Variants in PSD3 observed in about 807,000 individuals in gnomAD.
PSD3 encodes the protein pleckstrin and Sec7 domain containing 3.
A neutral mutation model predicts 105.5 loss-of-function variants in PSD3; 49 were observed. The observed-to-expected ratio is 0.46, with a 90% CI of 0.37 to 0.59. The LOEUF (loss-of-function observed/expected upper bound fraction) is 0.59, where lower values mean the gene tolerates loss of function less well. Among genes scored for constraint, PSD3 ranks in the 20% least tolerant of loss-of-function variants. The probability of loss-of-function intolerance (pLI) is 0.00; values close to 1 mark genes in which losing one functional copy is unlikely to be tolerated. For synonymous variants in PSD3, 557 were observed against 457.8 expected, an observed-to-expected ratio of 1.22 and a Z score of -2.77; for missense variants, 1,561 against 1,263.8, an observed-to-expected ratio of 1.24 and a Z score of -3.57.
chr8:18,882,848 C>T (rs536977464), intron 2 of PSD3, among the ~76,000 whole-genome samples: 69 of 148,768 alleles, frequency 4.6e-4, no homozygotes, highest in African/African-American at 9.2e-4. Context: ...GATATATATA[C>T]ACACACACAC....
intron 14 of PSD3, among the ~76,000 whole-genome samples, chr8:18,560,157 T>C (rs1314680669): frequency 6.9e-6 from 1 of 144,954 alleles, no homozygotes; most frequent in African/African-American, 2.6e-5. Context: ...AATCCCATGA[T>C]AAGAAAGATA....
At chr8:18,799,835 C>T (rs1347748357) in intron 7 of PSD3, among the ~76,000 whole-genome samples, 5 of 152,154 alleles carry the variant, frequency 3.3e-5, no homozygotes, top group African/African-American at 4.8e-5. Flanking sequence ...TAGTTGTTCT[C>T]GTTACTCTCA....
chr8:18,533,768 T>A lies in PSD3; in HGVS notation c.*1975A>T, dbSNP rs1415540191. 6.6e-6 allele frequency: 1 copy of A among 152,150 alleles called. No individual in the cohort carries two copies. Among genetic ancestry groups the A allele is most frequent in the Non-Finnish European group, 1.5e-5 (1 of 68,024 alleles). 9.4% of individuals were successfully genotyped at this position (152,150 alleles called of 1,614,324 possible). On this transcript the variant is annotated 3_prime_UTR_variant, in exon 16 of 16. Coordinates refer to ENST00000327040, the MANE Select transcript of PSD3 (RefSeq NM_015310.4). ...TTAGATTATCAGGTAGAAAGACAGA[T>A]AACTTGCTTGTGGATATGTTGGATT...
At chr8:18,630,435 C>A (rs994460681) in intron 11 of PSD3, among the ~76,000 whole-genome samples, 10 of 151,870 alleles carry the variant, frequency 6.6e-5, no homozygotes, top group African/African-American at 1.9e-4. Flanking sequence ...TCCTGGGCCA[C>A]TGGGTCCAGG....
At chr8:18,752,140 A>G (rs1252618400) in intron 9 of PSD3, among the ~76,000 whole-genome samples, 1 of 151,994 alleles carries the variant, frequency 6.6e-6, no homozygotes, top group Non-Finnish European at 1.5e-5. Context: ...GTGAGCAACC[A>G]TCTGAATATC....
In PSD3 at chr8:18,776,245, G is replaced by GCT. The variant is rs762919210; in HGVS notation, c.2083-10709_2083-10708dup. On this transcript the variant is annotated intron_variant, in intron 8 of 15. Transcript: ENST00000327040. Reference sequence around the variant, plus strand: ...GTACCATACTATATTGGTTACCATGGCTCTCTCTCTCTCTCTATATATATA... The same window carrying GCT: ...GTACCATACTATATTGGTTACCATGGCTCTCTCTCTCTCTCTCTATATATATA... Among the ~76,000 whole-genome samples the GCT allele has an allele frequency of 7.1e-4, 101 of 142,382 alleles. 1 individual carries two copies. The East Asian group carries it at 0.013, about 18-fold the overall frequency. 93.4% of individuals were successfully genotyped at this position (142,382 alleles called of 152,430 possible).
At chr8:19,013,437 G>C in intron 1 of PSD3, 126 bp downstream of exon 1, 14 of 1,339,584 alleles carry the variant, frequency 1.0e-5, no homozygotes, top group Non-Finnish European at 1.3e-5. Flanking sequence ...CACCTATCCA[G>C]ACAGCACAAA....
At position 18,533,579 on chromosome 8, in the gene PSD3, G is replaced by A. The variant is rs188890948; in HGVS notation, c.*2164C>T. Reference sequence around the variant, plus strand: ...ATATTAAATAAGTAAAATACATACAGACATTCTATATACATAGATATAGAC... The same window carrying A: ...ATATTAAATAAGTAAAATACATACAAACATTCTATATACATAGATATAGAC... On this transcript the variant is annotated 3_prime_UTR_variant, in exon 16 of 16. Coordinates refer to ENST00000327040, the MANE Select transcript of PSD3 (RefSeq NM_015310.4). The A allele has an allele frequency of 6.6e-5, 10 of 152,210 alleles. No individual in the cohort carries two copies. In the East Asian group the frequency reaches 1.2e-3, roughly 18 times the overall value. The allele number at this position is 152,210 out of a possible 1,614,324, so 9.4% of individuals were successfully genotyped here. A position where few individuals can be genotyped will look rare whatever the true frequency, so the allele number is the denominator to read the frequency against.
intron 8 of PSD3, among the ~76,000 whole-genome samples, chr8:18,775,664 G>T (rs1481843109): frequency 6.6e-6 from 1 of 151,928 alleles, no homozygotes; most frequent in Non-Finnish European, 1.5e-5. Flanking sequence ...CAAAAATTTT[G>T]CCCATTTTAA....
intron 10 of PSD3, among the ~76,000 whole-genome samples, chr8:18,651,800 G>A (rs941920904): frequency 1.1e-4 from 16 of 152,294 alleles, no homozygotes; most frequent in African/African-American, 3.6e-4. Flanking sequence ...AACATAAAAT[G>A]ATTATGGGAT....
chr8:18,903,458 C>T (rs1454037213), intron 2 of PSD3, among the ~76,000 whole-genome samples: 1 of 151,996 alleles, frequency 6.6e-6, no homozygotes, highest in Non-Finnish European at 1.5e-5. Context: ...GGAAATAGCA[C>T]ATTGATGATT....
chr8:18,541,466 A>G (rs1187960951), intron 15 of PSD3, among the ~76,000 whole-genome samples: 1 of 152,188 alleles, frequency 6.6e-6, no homozygotes, highest in Non-Finnish European at 1.5e-5. Context: ...ACACACCTTT[A>G]TCTTCAGTAT....
intron 2 of PSD3, among the ~76,000 whole-genome samples, chr8:18,908,898 CA>C (rs1194057135): frequency 6.6e-6 from 1 of 152,136 alleles, no homozygotes; most frequent in Non-Finnish European, 1.5e-5. Context: ...CAAAACTATA[CA>C]AATCTCAGTT....
intron 14 of PSD3, among the ~76,000 whole-genome samples, chr8:18,571,930 A>G (rs1802167573): frequency 6.6e-6 from 1 of 152,180 alleles, no homozygotes; most frequent in African/African-American, 2.4e-5. Context: ...TTTTAAGTGA[A>G]AAAGGACATG....
chr8:18,806,010 G>A (rs1177849741), intron 4 of PSD3, among the ~76,000 whole-genome samples: 1 of 152,138 alleles, frequency 6.6e-6, no homozygotes, highest in East Asian at 1.9e-4. Flanking sequence ...AATGACAGAC[G>A]AATGTTTTTC....
At chr8:18,943,158 G>A (rs369737013) in intron 1 of PSD3, among the ~76,000 whole-genome samples, 1 of 152,122 alleles carries the variant, frequency 6.6e-6, no homozygotes, top group Non-Finnish European at 1.5e-5. Flanking sequence ...CAACAAAGGA[G>A]GCATGGTGAA....
chr8:18,762,682 A>C (rs765588193), intron 9 of PSD3, among the ~76,000 whole-genome samples: 1 of 152,222 alleles, frequency 6.6e-6, no homozygotes, highest in Non-Finnish European at 1.5e-5. Flanking sequence ...GCTGCAATGG[A>C]ATTTTAAACT....
chr8:18,713,092 T>C (rs77794737), intron 9 of PSD3, among the ~76,000 whole-genome samples: 8 of 152,182 alleles, frequency 5.3e-5, no homozygotes, highest in Admixed American at 3.9e-4. Context: ...TATCCCTTCA[T>C]GTTAAAAATT....
chr8:18,555,828 T>C (rs10106621), intron 15 of PSD3, among the ~76,000 whole-genome samples: 2,221 of 152,300 alleles, frequency 0.015, 50 homozygotes, highest in African/African-American at 0.051. Context: ...ACATCAACTA[T>C]GTGGCTCATT....
Sources: gnomAD v4.1 joint callset for allele counts (sites outside exome capture counted in the v4.1 genomes callset) on GRCh38, gnomAD v4.1.1 for gene constraint, MANE v1.5 for transcripts, NCBI Gene and HGNC (gene_info 2026-07-23, HGNC 2026-07-21) for gene names.